Variants in LRP1B observed in about 807,000 individuals in gnomAD.
LRP1B encodes the protein low-density lipoprotein receptor-related protein 1B.
LRP1B carries 217 observed loss-of-function variants against 556.6 expected under a neutral mutation model. The ratio of observed to expected loss-of-function variants is 0.39; its 90% confidence interval spans 0.35 to 0.44. The LOEUF is 0.44. Among genes scored for constraint, LRP1B ranks in the 20% least tolerant of loss-of-function variants. LRP1B has a pLI of 1.00. For missense variants in LRP1B, 5,053 were observed against 5,620.8 expected (o/e 0.90, Z 3.23); for synonymous variants, 2,047 against 1,865.8 (o/e 1.10, Z -2.50).
In LRP1B at chr2:140,700,434, T is replaced by C. The variant is rs1686591274; in HGVS notation, c.6615A>G (p.Glu2205=). 9 of 1,613,278 alleles carry C rather than the reference T, an allele frequency of 5.6e-6. No homozygotes were observed. Among genetic ancestry groups the C allele is most frequent in the African/African-American group, 1.3e-5 (1 of 74,874 alleles). ...GCCTTATTGGGGAATTTAAATTGGT[T>C]TCATCAGAAAGATGTATACTTTTTA... ...TILKSIHLSD[E]TNLNSPIRPY... Residue 2205 remains glutamate (E), a synonymous_variant, in exon 41 of 91, where the codon GAA becomes GAG. Coordinates refer to ENST00000389484, the MANE Select transcript of LRP1B (RefSeq NM_018557.3).
At chr2:140,679,365 C>A (rs6748249) in intron 41 of LRP1B, among the ~76,000 whole-genome samples, 119,046 of 152,118 alleles carry the variant, frequency 0.78, 47,717 homozygotes, top group Middle Eastern at 0.9. Flanking sequence ...AGTTTCTGTT[C>A]ATCTGTCTGG....
At chr2:140,773,974 A>G (rs1325008833) in intron 33 of LRP1B, among the ~76,000 whole-genome samples, 1 of 152,098 alleles carries the variant, frequency 6.6e-6, no homozygotes, top group Admixed American at 6.5e-5. Context: ...TCATGCCCCA[A>G]ATCTCTAGTG....
At chr2:141,581,077 T>C (rs1477167228) in intron 2 of LRP1B, among the ~76,000 whole-genome samples, 1 of 152,260 alleles carries the variant, frequency 6.6e-6, no homozygotes, top group Non-Finnish European at 1.5e-5. Context: ...TCATGGATTG[T>C]ATGCTGTTCA....
At chr2:141,784,002 T>C (rs554140895) in intron 2 of LRP1B, among the ~76,000 whole-genome samples, 5 of 151,912 alleles carry the variant, frequency 3.3e-5, no homozygotes, top group Non-Finnish European at 4.4e-5. Context: ...TAATATAGGG[T>C]CAACACAATT....
chr2:140,945,368 A>G (rs1471845911), intron 20 of LRP1B, among the ~76,000 whole-genome samples: 2 of 152,120 alleles, frequency 1.3e-5, no homozygotes, highest in Admixed American at 1.3e-4. Flanking sequence ...AGCCATTCTA[A>G]AATTCATATA....
chr2:140,613,400 A>AATATAATTATATACATATAAATATATAT, intron 41 of LRP1B, among the ~76,000 whole-genome samples: 1 of 84,364 alleles, frequency 1.2e-5, no homozygotes, highest in South Asian at 3.6e-4. Context: ...TATAAATATA[A>AATATAATTATATACATATAAATATATAT]ATAATTATAT....
rs184601021 is a variant in LRP1B at position 140,609,126 on chromosome 2, G to A, written c.6800-7487C>T. Among the ~76,000 whole-genome samples the A allele has an allele frequency of 7.0e-4, 106 of 152,288 alleles. 1 individual carries two copies. The highest frequency in any genetic ancestry group is 2.4e-3 in the African/African-American group (101 of 41,574). On this transcript the variant is annotated intron_variant, in intron 41 of 90. Coordinates refer to ENST00000389484, the MANE Select transcript of LRP1B (RefSeq NM_018557.3). ...CATTGGCATGTCCGGAGCTGCTAGAGCAGAGCATGAACTCCGCGGTGCCTG... is the reference window on the plus strand; with the variant it reads ...CATTGGCATGTCCGGAGCTGCTAGAACAGAGCATGAACTCCGCGGTGCCTG...
chr2:140,714,814 C>A (rs557019722), intron 37 of LRP1B, among the ~76,000 whole-genome samples: 42 of 152,152 alleles, frequency 2.8e-4, no homozygotes, highest in African/African-American at 9.9e-4. Flanking sequence ...TGCACCACTG[C>A]GCTCCAGCCT....
In LRP1B at chr2:141,109,888, G is replaced by T. The variant is rs77134652; in HGVS notation, c.1014-47615C>A. On this transcript the variant is annotated intron_variant, in intron 7 of 90. Transcript: ENST00000389484. The stretch of plus-strand genomic sequence containing the variant: ...TTCAATCAACAGCTGATTGCATATT[G>T]CTCAAGGCTTATCTGGTAGGATGAG... Among the ~76,000 whole-genome samples the T allele has an allele frequency of 1.3e-3, 191 of 152,226 alleles. 7 individuals carry two copies. In the East Asian group the frequency reaches 0.035, roughly 28 times the overall value.
At chr2:141,794,691 A>G (rs1395025073) in intron 2 of LRP1B, among the ~76,000 whole-genome samples, 2 of 152,020 alleles carry the variant, frequency 1.3e-5, no homozygotes, top group African/African-American at 4.8e-5. Flanking sequence ...GACTTTTTTT[A>G]CACCTTTCCA....
At chr2:141,860,445 TC>T (rs1343490184) in intron 1 of LRP1B, among the ~76,000 whole-genome samples, 1 of 152,174 alleles carries the variant, frequency 6.6e-6, no homozygotes, top group Non-Finnish European at 1.5e-5. Flanking sequence ...CTGAATTAAA[TC>T]TTTCAAACTG....
intron 7 of LRP1B, among the ~76,000 whole-genome samples, chr2:141,146,581 G>C (rs1188924957): frequency 6.6e-6 from 1 of 152,092 alleles, no homozygotes; most frequent in Non-Finnish European, 1.5e-5. Context: ...GGCACATGTA[G>C]AATATCCCTG....
intron 2 of LRP1B, among the ~76,000 whole-genome samples, chr2:141,760,433 C>A (rs1453021510): frequency 6.6e-6 from 1 of 151,996 alleles, no homozygotes; most frequent in East Asian, 1.9e-4. Flanking sequence ...TTACGAGTGA[C>A]CTTTATTTTC....
At chr2:140,841,961 G>C (rs540035467) in intron 29 of LRP1B, among the ~76,000 whole-genome samples, 1 of 152,052 alleles carries the variant, frequency 6.6e-6, no homozygotes, top group Non-Finnish European at 1.5e-5. Flanking sequence ...AAAAATTTTA[G>C]TATTTTCTAG....
intron 35 of LRP1B, among the ~76,000 whole-genome samples, chr2:140,761,973 TATG>T (rs66893232): frequency 0.3 from 45,183 of 150,132 alleles, 6,775 homozygotes; most frequent in South Asian, 0.38. Flanking sequence ...TGATGATAAC[TATG>T]ATGATGATGA....
chr2:140,466,914 A>G (rs1687571192), intron 60 of LRP1B, among the ~76,000 whole-genome samples: 1 of 152,226 alleles, frequency 6.6e-6, no homozygotes, highest in African/African-American at 2.4e-5. Context: ...ACAAGCAACC[A>G]AAATTGAAAA....
intron 1 of LRP1B, among the ~76,000 whole-genome samples, chr2:141,839,994 T>C (rs1012123799): frequency 6.6e-6 from 1 of 152,196 alleles, no homozygotes; most frequent in Admixed American, 6.5e-5. Context: ...GAATGAGTTT[T>C]TAATGCCCTC....
chr2:141,910,593 T>A (rs1357734355), intron 1 of LRP1B, among the ~76,000 whole-genome samples: 3 of 152,060 alleles, frequency 2.0e-5, no homozygotes, highest in African/African-American at 7.2e-5. Context: ...AAAACAACAC[T>A]GGAATTGCCA....
At chr2:140,738,589 C>G (rs1444530502) in intron 35 of LRP1B, among the ~76,000 whole-genome samples, 1 of 152,084 alleles carries the variant, frequency 6.6e-6, no homozygotes, top group South Asian at 2.1e-4. Flanking sequence ...ATGCAGAACC[C>G]CTTTGAATGG....
Sources: gnomAD v4.1 joint callset for allele counts (sites outside exome capture counted in the v4.1 genomes callset) on GRCh38, gnomAD v4.1.1 for gene constraint, MANE v1.5 for transcripts, NCBI Gene and HGNC (gene_info 2026-07-23, HGNC 2026-07-21) for gene names.